CD81: variants seen among roughly 807,000 people sequenced by gnomAD.
The protein encoded by CD81 is CD81 antigen.
Under a neutral mutation model 30.1 loss-of-function variants are expected in CD81, and 10 were observed. The observed-to-expected ratio is 0.33, with a 90% CI of 0.21 to 0.56. The LOEUF is 0.56. Among genes scored for constraint, CD81 ranks in the 20% least tolerant of loss-of-function variants. The pLI is 0.89. For missense variants in CD81, 263 were observed against 308.7 expected (o/e 0.85, Z 1.11); for synonymous variants, 147 against 126.4 (o/e 1.16, Z -1.10).
intron 1 of CD81, among the ~76,000 whole-genome samples, chr11:2,380,724 C>A (rs116622774): frequency 6.6e-6 from 1 of 152,068 alleles, no homozygotes; most frequent in African/African-American, 2.4e-5. Flanking sequence ...GTTTGTGTCC[C>A]GGGACAGGGA....
At chr11:2,395,288 T>TG in intron 4 of CD81, 128 bp from the exon 5 acceptor site, 1 of 786,226 alleles carries the variant, frequency 1.3e-6, no homozygotes, top group South Asian at 1.5e-5. Context: ...CCTTGTCCTC[T>TG]GGGGTCTAGC....
chr11:2,381,117 T>C (rs911927509), intron 1 of CD81, among the ~76,000 whole-genome samples: 19 of 152,204 alleles, frequency 1.2e-4, no homozygotes, highest in Non-Finnish European at 1.5e-5. Flanking sequence ...GTGTGGACTT[T>C]CCCTGGCTCC....
rs556036050 is a variant in CD81 at position 2,384,628 on chromosome 11, C to T, written c.67-5784C>T. 17 of 177,908 alleles carry T rather than the reference C, an allele frequency of 9.6e-5. No homozygotes were observed. In the East Asian group the frequency reaches 2.6e-3, roughly 27 times the overall value. The allele number at this position is 177,908 out of a possible 1,614,324, so 11.0% of individuals were successfully genotyped here. A position where few individuals can be genotyped will look rare whatever the true frequency, so the allele number is the denominator to read the frequency against. The stretch of plus-strand genomic sequence containing the variant: ...GGCGGGGCATCTCAGAGGGCGCCTC[C>T]GGAGGCTGGAGTATCTTGGGAGGTG... On this transcript the variant is annotated intron_variant, in intron 1 of 7. Transcript: ENST00000263645.
Position 2,396,867 on chromosome 11 carries a change from G to A in CD81, c.*1G>A, listed in dbSNP as rs774235346. The A allele has an allele frequency of 1.2e-6, 2 of 1,612,616 alleles. No homozygotes were observed. On this transcript the variant is annotated 3_prime_UTR_variant, in exon 8 of 8. Coordinates refer to ENST00000263645, the MANE Select transcript of CD81 (RefSeq NM_004356.4). ...CATCCGGAACAGCTCCGTGTACTGA[G>A]GCCCCGCAGCTCTGGCCACAGGGAC...
chr11:2,392,627 C>G (rs11022591), intron 2 of CD81: 15,963 of 152,382 alleles, frequency 0.1, 2,419 homozygotes, highest in African/African-American at 0.34. Context: ...GCTCCTCTGG[C>G]CACCAAGTCC....
intron 1 of CD81, among the ~76,000 whole-genome samples, chr11:2,380,795 G>C (rs1009181562): frequency 1.3e-5 from 2 of 152,174 alleles, no homozygotes; most frequent in East Asian, 3.9e-4. Flanking sequence ...TCTTCTCCTC[G>C]GGGGCTGGCC....
chr11:2,390,903 G>A (rs1192223596), intron 2 of CD81, among the ~76,000 whole-genome samples: 1 of 150,944 alleles, frequency 6.6e-6, no homozygotes, highest in Non-Finnish European at 1.5e-5. Flanking sequence ...GAGGGATGGA[G>A]CTCAAGGGAT....
chr11:2,380,081 G>A (rs1273917261), intron 1 of CD81, among the ~76,000 whole-genome samples: 1 of 152,192 alleles, frequency 6.6e-6, no homozygotes, highest in African/African-American at 2.4e-5. Context: ...ATGCCTGAGT[G>A]TTGACAGGGG....
intron 2 of CD81, chr11:2,393,335 C>T (rs2074242): frequency 0.073 from 11,367 of 155,162 alleles, 1,173 homozygotes; most frequent in African/African-American, 0.23. Context: ...CACCCTTGGA[C>T]GGCGCCTTCT....
At chr11:2,396,437 C>T (rs977458047) in intron 6 of CD81, 191 bp from the exon 7 acceptor site, 13 of 634,048 alleles carry the variant, frequency 2.1e-5, no homozygotes, top group African/African-American at 1.1e-4. Flanking sequence ...TATGTTAAAA[C>T]GGGTGGAAGA....
intron 2 of CD81, chr11:2,393,548 AT>A (rs1465676218): frequency 2.1e-5 from 7 of 340,312 alleles, no homozygotes; most frequent in Admixed American, 1.3e-4. Flanking sequence ...TGCAGCCCAG[AT>A]TGGGGGGCAG....
chr11:2,390,355 C>T (rs900457490), intron 1 of CD81, 57 bp from the exon 2 acceptor site: 23 of 1,334,728 alleles, frequency 1.7e-5, no homozygotes, highest in African/African-American at 2.9e-5. Flanking sequence ...GTGGGGTGGG[C>T]GCACTCCCTG....
intron 4 of CD81, 134 bp from the exon 5 acceptor site, chr11:2,395,281 TG>T: frequency 1.3e-6 from 1 of 783,584 alleles, no homozygotes. Context: ...GCAGAGTCCT[TG>T]TCCTCTGGGG....
Position 2,396,975 on chromosome 11 carries a change from G to A in CD81, c.*109G>A, listed in dbSNP as rs2133468755. ...TATATAACGTTTCCGGTATTACTCT[G>A]CTACACGTAGCCTTTTTACTTTTGG... On this transcript the variant is annotated 3_prime_UTR_variant, in exon 8 of 8. Transcript: ENST00000263645. 1 of 1,011,918 alleles carries A rather than the reference G, an allele frequency of 9.9e-7. No individual in the cohort carries two copies. The highest frequency in any genetic ancestry group is 2.5e-5 in the East Asian group (1 of 39,228). 62.7% of individuals were successfully genotyped at this position (1,011,918 alleles called of 1,614,324 possible). A position where few individuals can be genotyped will look rare whatever the true frequency, so the allele number is the denominator to read the frequency against.
Position 2,397,013 on chromosome 11 carries a change from G to T in CD81, c.*147G>T, listed in dbSNP as rs1175487757. On this transcript the variant is annotated 3_prime_UTR_variant, in exon 8 of 8. Transcript: ENST00000263645. ...TTTTTACTTTTGGGGTTTTGTTTTT[G>T]TTCTGAACTTTCCTGTTACCTTTTC... The T allele has an allele frequency of 5.0e-6, 4 of 796,094 alleles. No individual in the cohort carries two copies. In the East Asian group the frequency reaches 8.0e-5, roughly 16 times the overall value. The allele number at this position is 796,094 out of a possible 1,614,324, so 49.3% of individuals were successfully genotyped here. A position where few individuals can be genotyped will look rare whatever the true frequency, so the allele number is the denominator to read the frequency against.
rs565370039 is a variant in CD81, at chr11:2,386,841, G to A, written c.67-3571G>A. Among the ~76,000 whole-genome samples, 24 of 152,336 alleles carry A rather than the reference G, an allele frequency of 1.6e-4. No homozygotes were observed. In the South Asian group the frequency reaches 4.6e-3, roughly 29 times the overall value. ...CACATGGGCCCTCGGGTCCTTCCTG[G>A]TGTTGGCCCAGGCTCTTTCAGGCCC... is the stretch of plus-strand genomic sequence containing the variant. On this transcript the variant is annotated intron_variant, in intron 1 of 7. Transcript: ENST00000263645.
At chr11:2,387,694 A>T (rs1402637757) in intron 1 of CD81, among the ~76,000 whole-genome samples, 1 of 152,050 alleles carries the variant, frequency 6.6e-6, no homozygotes, top group Non-Finnish European at 1.5e-5. Context: ...TTGTCATGTG[A>T]GGGGCACACG....
intron 1 of CD81, chr11:2,385,728 G>A (rs527424459): frequency 3.2e-5 from 14 of 433,980 alleles, no homozygotes; most frequent in African/African-American, 1.2e-4. Flanking sequence ...TGTGCCCTTC[G>A]TCTGTTCCTT....
intron 2 of CD81, 58 bp from the exon 3 acceptor site, chr11:2,394,036 CG>C (rs1564994676): frequency 2.2e-6 from 3 of 1,345,260 alleles, no homozygotes; most frequent in Non-Finnish European, 3.2e-6. Context: ...CAGGACCCTC[CG>C]GGGTCTTGGG....
Sources: allele counts gnomAD v4.1 joint callset (sites outside exome capture counted in the v4.1 genomes callset), GRCh38; gene constraint gnomAD v4.1.1; transcripts MANE v1.5; gene names NCBI Gene and HGNC (gene_info 2026-07-23, HGNC 2026-07-21).